The following PAK2 variants were observed in gnomAD, a reference collection of about 807,000 sequenced individuals.
PAK2 encodes the protein p21 (RAC1) activated kinase 2.
A neutral mutation model predicts 65.9 loss-of-function variants in PAK2; 21 were observed. The ratio of observed to expected loss-of-function variants is 0.32; its 90% CI spans 0.23 to 0.46. PAK2 has a LOEUF of 0.46. PAK2 is among the 20% of genes least tolerant of loss of function. PAK2 has a pLI of 1.00. For synonymous variants in PAK2, 204 were observed against 219.7 expected (o/e 0.93, Z 0.63); for missense variants, 324 against 642.6 (o/e 0.50, Z 5.36).
chr3:196,822,732 A>T (rs756868052), intron 13 of PAK2, among the ~76,000 whole-genome samples: 4 of 152,126 alleles, frequency 2.6e-5, no homozygotes, highest in Non-Finnish European at 4.4e-5. Context: ...TGTAAAATTA[A>T]ATCAAAAGCG....
At chr3:196,760,559 T>C (rs1713924452) in intron 1 of PAK2, among the ~76,000 whole-genome samples, 1 of 152,194 alleles carries the variant, frequency 6.6e-6, no homozygotes, top group Admixed American at 6.5e-5. Context: ...ACTCTGAGTA[T>C]GATTTCTTAC....
chr3:196,827,161 T>A, intron 13 of PAK2, 35 bp from the exon 14 acceptor site: 1 of 1,506,118 alleles, frequency 6.6e-7, no homozygotes, highest in Non-Finnish European at 9.1e-7. Flanking sequence ...TGTTGAGCTA[T>A]CTTAAGTGGA....
At position 196,812,719 on chromosome 3, in the gene PAK2, C is replaced by A. The variant is rs768361566; in HGVS notation, c.823-20C>A. The stretch of plus-strand genomic sequence containing the variant: ...GAGAATTCCTAAACCTGGTTTTTTT[C>A]AATCCTGTTTTCATTATAGGTTGCT... On this transcript the variant is annotated intron_variant, in intron 9 of 14. Coordinates refer to ENST00000327134, the MANE Select transcript of PAK2 (RefSeq NM_002577.4). 5 of 1,100,716 alleles carry A rather than the reference C, an allele frequency of 4.5e-6. No individual in the cohort carries two copies. Among genetic ancestry groups the A allele is most frequent in the South Asian group, 1.3e-5 (1 of 77,054 alleles). 68.2% of individuals were successfully genotyped at this position (1,100,716 alleles called of 1,614,324 possible).
In PAK2 at chr3:196,803,047, C is replaced by T. The variant is rs1488755338; in HGVS notation, c.319C>T (p.Gln107Ter). ...GCCAGAACAGTGGGCTCGATTACTA[C>T]AGACCTCCAATATCACCAAACTAGA... is the stretch of plus-strand genomic sequence containing the variant. ...GMPEQWARLL[Q>*]TSNITKLEQK... The change falls in exon 4 of 15, where the codon CAG becomes TAG. Residue 107 changes from glutamine to a stop codon, truncating the protein, a stop_gained. Transcript: ENST00000327134. LOFTEE classifies it high-confidence loss of function. The T allele has an allele frequency of 6.2e-7, 1 of 1,610,796 alleles. No individual in the cohort carries two copies. The highest frequency in any genetic ancestry group is 8.5e-7 in the Non-Finnish European group (1 of 1,178,232).
At position 196,815,406 on chromosome 3, in the gene PAK2, C is replaced by T. The variant is rs146986809; in HGVS notation, c.1053+838C>T. Among the ~76,000 whole-genome samples the T allele has an allele frequency of 9.6e-3, 1,432 of 149,534 alleles. 20 individuals carry two copies. Among genetic ancestry groups the T allele is most frequent in the African/African-American group, 0.033 (1,329 of 40,604 alleles). Reference sequence around the variant, plus strand: ...ACTCGCGAGGCTGAGGCGGGAGAATCGCTTGAGCTGAGGAGGCAGACATTG... The same window carrying T: ...ACTCGCGAGGCTGAGGCGGGAGAATTGCTTGAGCTGAGGAGGCAGACATTG... On this transcript the variant is annotated intron_variant, in intron 11 of 14. Coordinates refer to ENST00000327134, the MANE Select transcript of PAK2 (RefSeq NM_002577.4).
chr3:196,824,607 G>T (rs1207594550), intron 13 of PAK2, among the ~76,000 whole-genome samples: 1 of 152,158 alleles, frequency 6.6e-6, no homozygotes, highest in Non-Finnish European at 1.5e-5. Context: ...AGTAGGTGAA[G>T]CACAGGGAAT....
chr3:196,749,609 G>A (rs1006424216), intron 1 of PAK2, among the ~76,000 whole-genome samples: 1 of 152,038 alleles, frequency 6.6e-6, no homozygotes, highest in Admixed American at 6.5e-5. Flanking sequence ...AGCTGATTTG[G>A]GTGAATACCA....
intron 2 of PAK2, chr3:196,785,226 A>G (rs1333533180): frequency 1.3e-5 from 2 of 152,184 alleles, no homozygotes; most frequent in Admixed American, 6.5e-5. Context: ...TTGTGCACAC[A>G]GTGAAAACGT....
At chr3:196,827,109 G>A in intron 13 of PAK2, 87 bp from the exon 14 acceptor site, 1 of 721,266 alleles carries the variant, frequency 1.4e-6, no homozygotes, top group Admixed American at 2.8e-5. Flanking sequence ...TTTCTTTAAA[G>A]AAGAAAGAAT....
chr3:196,760,642 G>T (rs970308128), intron 1 of PAK2, among the ~76,000 whole-genome samples: 5 of 152,172 alleles, frequency 3.3e-5, no homozygotes, highest in Non-Finnish European at 5.9e-5. Context: ...CTGTAACCAT[G>T]ACCGGTCTGT....
intron 1 of PAK2, among the ~76,000 whole-genome samples, chr3:196,767,857 C>T: frequency 6.6e-6 from 1 of 152,036 alleles, no homozygotes; most frequent in East Asian, 1.9e-4. Context: ...TATGCAGTGA[C>T]CAGAGACTTG....
At chr3:196,787,032 C>T (rs1714913279) in intron 2 of PAK2, among the ~76,000 whole-genome samples, 1 of 151,872 alleles carries the variant, frequency 6.6e-6, no homozygotes, top group Admixed American at 6.6e-5. Flanking sequence ...ATATGTTGCC[C>T]AGGCTGGTCT....
chr3:196,743,598 AAC>A (rs1162630943), intron 1 of PAK2, among the ~76,000 whole-genome samples: 1 of 152,158 alleles, frequency 6.6e-6, no homozygotes, highest in African/African-American at 2.4e-5. Flanking sequence ...CTGTAATCAC[AAC>A]ACATTAGGAG....
Position 196,816,015 on chromosome 3 carries a change from T to C in PAK2, c.1053+1447T>C, listed in dbSNP as rs576271086. Among the ~76,000 whole-genome samples, 3 of 152,184 alleles carry C rather than the reference T, an allele frequency of 2.0e-5. No homozygotes were observed. In the South Asian group the frequency reaches 6.2e-4, roughly 31 times the overall value. On this transcript the variant is annotated intron_variant, in intron 11 of 14. Transcript: ENST00000327134. ...CCAAATTGCCAATTTAAGCCAAAAA[T>C]AAGCCTTCTTTTTTCCACCTATATC...
intron 1 of PAK2, among the ~76,000 whole-genome samples, chr3:196,749,907 G>A (rs998005574): frequency 1.3e-5 from 2 of 151,702 alleles, no homozygotes; most frequent in Non-Finnish European, 2.9e-5. Flanking sequence ...CTGCAGCCTC[G>A]AGCTCCTAGG....
At chr3:196,742,761 C>G (rs1251391128) in intron 1 of PAK2, among the ~76,000 whole-genome samples, 1 of 151,894 alleles carries the variant, frequency 6.6e-6, no homozygotes, top group Non-Finnish European at 1.5e-5. Context: ...AAAAATACAA[C>G]AAAAAATTAG....
chr3:196,818,333 C>T (rs971201633), intron 12 of PAK2, among the ~76,000 whole-genome samples, 177 bp downstream of exon 12: 1 of 152,130 alleles, frequency 6.6e-6, no homozygotes, highest in Non-Finnish European at 1.5e-5. Flanking sequence ...AGAGAAAGGA[C>T]TCGCTGGATA....
At chr3:196,815,105 G>A (rs986766174) in intron 11 of PAK2, among the ~76,000 whole-genome samples, 22 of 150,914 alleles carry the variant, frequency 1.5e-4, no homozygotes, top group Admixed American at 3.3e-4. Context: ...GCGTGAACCT[G>A]GGAGGTGGAG....
In PAK2 at chr3:196,782,629, A is replaced by G. The variant is rs1714751901; in HGVS notation, c.-18A>G. On this transcript the variant is annotated 5_prime_UTR_variant, in exon 2 of 15. Coordinates refer to ENST00000327134, the MANE Select transcript of PAK2 (RefSeq NM_002577.4). ...ATTGTATTTTTTCCAATTCCAGGCCATTTCATAATTCTGAATCATGTCTGA... is the reference window on the plus strand; with the variant it reads ...ATTGTATTTTTTCCAATTCCAGGCCGTTTCATAATTCTGAATCATGTCTGA... 1 of 1,507,028 alleles carries G rather than the reference A, an allele frequency of 6.6e-7. No individual in the cohort carries two copies. The allele number at this position is 1,507,028 out of a possible 1,614,324, so 93.4% of individuals were successfully genotyped here.
Sources: gnomAD v4.1 joint callset for allele counts (sites outside exome capture counted in the v4.1 genomes callset) on GRCh38, gnomAD v4.1.1 for gene constraint, MANE v1.5 for transcripts, NCBI Gene and HGNC (gene_info 2026-07-23, HGNC 2026-07-21) for gene names.